The following BMPR1A variants were observed in gnomAD, a reference collection of about 807,000 sequenced individuals.
BMPR1A encodes bone morphogenetic protein receptor type 1A.
BMPR1A carries 7 observed loss-of-function variants against 66.0 expected under a neutral mutation model. That is an observed-to-expected ratio of 0.11 (90% confidence interval 0.06 to 0.20). BMPR1A has a LOEUF of 0.20. Among genes scored for constraint, BMPR1A ranks in the 10% least tolerant of loss-of-function variants. BMPR1A has a pLI of 1.00. For missense variants in BMPR1A, 408 were observed against 669.1 expected, an observed-to-expected ratio of 0.61 and a Z score of 4.31; for synonymous variants, 200 against 229.7, an observed-to-expected ratio of 0.87 and a Z score of 1.17.
chr10:86,888,668 A>G (rs1484783513), intron 3 of BMPR1A, among the ~76,000 whole-genome samples: 1 of 151,274 alleles, frequency 6.6e-6, no homozygotes, highest in Non-Finnish European at 1.5e-5. Flanking sequence ...CCCTACAAAG[A>G]ATTTAAAAAT....
intron 7 of BMPR1A, among the ~76,000 whole-genome samples, chr10:86,905,411 G>A (rs185575036): frequency 5.3e-5 from 8 of 152,152 alleles, no homozygotes; most frequent in Admixed American, 2.6e-4. Flanking sequence ...GCAAGTATTC[G>A]TTTACTTACT....
rs186131995 is a variant in BMPR1A, at chr10:86,870,015, A to G, written c.-152-5852A>G. On this transcript the variant is annotated intron_variant, in intron 2 of 12. Transcript: ENST00000372037. ...AAATAAATACTGGAGCTGATTTTTA[A>G]AAATTATTTATATTTATTATTTTAT... Among the ~76,000 whole-genome samples the G allele has an allele frequency of 2.0e-5, 3 of 152,278 alleles. 1 individual carries two copies. The highest frequency in any genetic ancestry group is 7.2e-5 in the African/African-American group (3 of 41,568).
intron 2 of BMPR1A, among the ~76,000 whole-genome samples, chr10:86,872,665 T>C (rs1842867060): frequency 6.6e-6 from 1 of 152,086 alleles, no homozygotes; most frequent in East Asian, 1.9e-4. Flanking sequence ...AATTTTTTAT[T>C]TTAAAAATTA....
At chr10:86,906,450 TG>T (rs1209354390) in intron 7 of BMPR1A, among the ~76,000 whole-genome samples, 1 of 104,138 alleles carries the variant, frequency 9.6e-6, no homozygotes, top group Non-Finnish European at 1.7e-5. Context: ...CTGGGCGCGG[TG>T]GCTCACGCCT....
intron 3 of BMPR1A, among the ~76,000 whole-genome samples, chr10:86,883,831 A>G (rs1589760508): frequency 6.6e-6 from 1 of 151,838 alleles, no homozygotes; most frequent in East Asian, 1.9e-4. Flanking sequence ...ATAATGCAAT[A>G]AAAGGAGTTC....
At chr10:86,923,269 G>T in intron 11 of BMPR1A, 107 bp from the exon 12 acceptor site, 1 of 1,463,570 alleles carries the variant, frequency 6.8e-7, no homozygotes, top group South Asian at 1.2e-5. Context: ...ATTTTTTCTT[G>T]TGTAAGAATC....
In BMPR1A at chr10:86,766,825, G is replaced by GT. The variant is rs1163287108; in HGVS notation, c.-268+9922dup. The stretch of plus-strand genomic sequence containing the variant: ...GGGTTTCACCGTGTTAGCCAGGATG[G>GT]TTTTTTTTTTTTTTTTGGAGACCGA... On this transcript the variant is annotated intron_variant, in intron 1 of 12. Transcript: ENST00000372037. 4.2e-3 allele frequency among the ~76,000 whole-genome samples: 557 copies of GT among 134,044 alleles called. 2 individuals carry two copies. Among genetic ancestry groups the GT allele is most frequent in the African/African-American group, 7.8e-3 (284 of 36,454 alleles). The allele number at this position is 134,044 out of a possible 152,430, so 87.9% of individuals were successfully genotyped here. A position where few individuals can be genotyped will look rare whatever the true frequency, so the allele number is the denominator to read the frequency against.
chr10:86,877,099 T>C lies in BMPR1A; in HGVS notation c.67+1014T>C, dbSNP rs184834173. On this transcript the variant is annotated intron_variant, in intron 3 of 12. Coordinates refer to ENST00000372037, the MANE Select transcript of BMPR1A (RefSeq NM_004329.3). ...TACTGGATGTCTTCGTTCTCAAGTT[T>C]TTTACTTCACAGGTTGCTTTTTCCT... Among the ~76,000 whole-genome samples, 231 of 152,310 alleles carry C rather than the reference T, an allele frequency of 1.5e-3. 1 individual carries two copies. The highest frequency in any genetic ancestry group is 2.5e-3 in the Non-Finnish European group (172 of 68,018).
At chr10:86,909,990 A>G (rs973288432) in intron 7 of BMPR1A, among the ~76,000 whole-genome samples, 6 of 152,152 alleles carry the variant, frequency 3.9e-5, no homozygotes, top group African/African-American at 1.4e-4. Context: ...ATATGGTAGA[A>G]AATTGTATTT....
At chr10:86,899,761 C>G (rs1224808268) in intron 5 of BMPR1A, 33 bp from the exon 6 acceptor site, 17 of 1,585,082 alleles carry the variant, frequency 1.1e-5, no homozygotes, top group Non-Finnish European at 1.4e-5. Context: ...AAATACCAAA[C>G]CATTTCTAAT....
intron 1 of BMPR1A, among the ~76,000 whole-genome samples, chr10:86,808,719 T>G (rs562990469): frequency 6.6e-6 from 1 of 152,360 alleles, no homozygotes; most frequent in South Asian, 2.1e-4. Flanking sequence ...TGCTACAGTT[T>G]TGATATTATC....
chr10:86,807,116 G>A (rs1288664896), intron 1 of BMPR1A, among the ~76,000 whole-genome samples: 2 of 152,070 alleles, frequency 1.3e-5, no homozygotes, highest in African/African-American at 4.8e-5. Context: ...GGTCTTAGGT[G>A]TTCTCATTGA....
At chr10:86,823,735 C>A (rs867553833) in intron 1 of BMPR1A, among the ~76,000 whole-genome samples, 10 of 152,116 alleles carry the variant, frequency 6.6e-5, no homozygotes, top group Middle Eastern at 3.2e-3. Flanking sequence ...GAATCCAGAC[C>A]CTCCATGGGG....
At chr10:86,903,296 C>G (rs1439801694) in intron 7 of BMPR1A, among the ~76,000 whole-genome samples, 3 of 152,040 alleles carry the variant, frequency 2.0e-5, no homozygotes, top group African/African-American at 7.2e-5. Flanking sequence ...GTTATTATAA[C>G]TGTATTTTTT....
chr10:86,917,170 C>G lies in BMPR1A; in HGVS notation c.712C>G (p.Arg238Gly), dbSNP rs747728399. The G allele has an allele frequency of 9.9e-6, 16 of 1,613,838 alleles. No homozygotes were observed. The highest frequency in any genetic ancestry group is 3.3e-5 in the Admixed American group (2 of 59,974). Residue 238 changes from arginine (R) to glycine (G), a missense_variant, in exon 9 of 13, where the codon CGG becomes GGG. Physicochemically the swap from Arg to Gly is moderately radical, Grantham distance 125. Around this residue, in one of 5 missense-constraint regions of BMPR1A, gnomAD observed 174 missense variants for 265.1 expected, o/e 0.66. Transcript: ENST00000372037. ...TATTGCCAAACAGATTCAGATGGTC[C>G]GGCAAGTTGGTAAAGGCCGATATGG... Reference protein sequence around the residue: ...RTIAKQIQMVRQVGKGRYGEV... With the variant: ...RTIAKQIQMVGQVGKGRYGEV...
intron 5 of BMPR1A, among the ~76,000 whole-genome samples, chr10:86,896,816 G>T (rs1351623626): frequency 6.6e-6 from 1 of 152,160 alleles, no homozygotes; most frequent in Non-Finnish European, 1.5e-5. Context: ...TGAAAAATAC[G>T]TGAAGGATAC....
intron 1 of BMPR1A, among the ~76,000 whole-genome samples, chr10:86,833,403 C>T (rs1394245734): frequency 2.0e-5 from 3 of 152,132 alleles, no homozygotes; most frequent in African/African-American, 7.2e-5. Context: ...AGATGAGAGC[C>T]TACGTCAGAC....
chr10:86,908,136 G>A (rs543477764), intron 7 of BMPR1A, among the ~76,000 whole-genome samples: 29 of 152,194 alleles, frequency 1.9e-4, no homozygotes, highest in Admixed American at 1.0e-3. Flanking sequence ...CCCAGGAGGC[G>A]GAGGTTGCAG....
intron 3 of BMPR1A, among the ~76,000 whole-genome samples, chr10:86,877,005 G>A (rs1226773758): frequency 6.6e-6 from 1 of 152,120 alleles, no homozygotes; most frequent in Non-Finnish European, 1.5e-5. Flanking sequence ...TTTCCTGTAT[G>A]GTTTAAGTAG....
Sources: gnomAD v4.1 joint callset for allele counts (sites outside exome capture counted in the v4.1 genomes callset) on GRCh38, gnomAD v4.1.1 for gene constraint, gnomAD v4.1.1 regional missense constraint, MANE v1.5 for transcripts, NCBI Gene and HGNC (gene_info 2026-07-23, HGNC 2026-07-21) for gene names.